ADARB2: variants seen among roughly 807,000 people sequenced by gnomAD.
ADARB2 encodes inactive double-stranded RNA-specific editase B2.
In ADARB2, 25 loss-of-function variants were observed where a neutral mutation model predicts 62.2. The ratio of observed to expected loss-of-function variants is 0.40; its 90% CI spans 0.29 to 0.56. The LOEUF (loss-of-function observed/expected upper bound fraction) is 0.56, where lower values mean the gene tolerates loss of function less well. Among genes scored for constraint, ADARB2 ranks in the 20% least tolerant of loss-of-function variants. The pLI, the probability that ADARB2 is intolerant of heterozygous loss-of-function variation, is 0.43. For synonymous variants in ADARB2, 572 were observed against 500.8 expected (o/e 1.14, Z -1.90); for missense variants, 1,071 against 1,077.4 (o/e 0.99, Z 0.08).
intron 6 of ADARB2, among the ~76,000 whole-genome samples, chr10:1,224,943 A>G (rs1413209703): frequency 6.6e-6 from 1 of 152,200 alleles, no homozygotes; most frequent in Admixed American, 6.5e-5. Context: ...CACTTGGTGC[A>G]GAGCTGAGTT....
intron 6 of ADARB2, among the ~76,000 whole-genome samples, chr10:1,233,485 A>G (rs2131770242): frequency 6.6e-6 from 1 of 152,304 alleles, no homozygotes; most frequent in Non-Finnish European, 1.5e-5. Flanking sequence ...TTTAGGCCTC[A>G]GACTACTCTT....
intron 2 of ADARB2, among the ~76,000 whole-genome samples, chr10:1,364,905 C>T (rs1246794490): frequency 6.7e-6 from 1 of 148,194 alleles, no homozygotes; most frequent in Non-Finnish European, 1.5e-5. Flanking sequence ...CGGAATCTCA[C>T]TCTGTTGCCC....
chr10:1,411,769 C>T (rs143036225), intron 1 of ADARB2, among the ~76,000 whole-genome samples: 113 of 152,288 alleles, frequency 7.4e-4, no homozygotes, highest in Middle Eastern at 3.4e-3. Context: ...TTACGAAGGT[C>T]GTAGACGCAA....
intron 1 of ADARB2, among the ~76,000 whole-genome samples, chr10:1,575,621 T>C (rs1833000327): frequency 6.6e-6 from 1 of 152,162 alleles, no homozygotes; most frequent in South Asian, 2.1e-4. Context: ...CCACCCTCTC[T>C]CTCCCTCAGT....
chr10:1,245,111 T>G (rs1031678639), intron 4 of ADARB2, among the ~76,000 whole-genome samples: 1 of 151,888 alleles, frequency 6.6e-6, no homozygotes, highest in Non-Finnish European at 1.5e-5. Flanking sequence ...GGACACTGGG[T>G]GGGAGGCTGG....
At chr10:1,210,100 T>G (rs1315671472) in intron 7 of ADARB2, among the ~76,000 whole-genome samples, 1 of 152,222 alleles carries the variant, frequency 6.6e-6, no homozygotes, top group Non-Finnish European at 1.5e-5. Flanking sequence ...TGTGCATTAC[T>G]TTTGATCTGT....
intron 1 of ADARB2, among the ~76,000 whole-genome samples, chr10:1,522,394 G>T (rs1488162641): frequency 1.3e-5 from 2 of 152,192 alleles, no homozygotes; most frequent in African/African-American, 4.8e-5. Context: ...TCGCTGTGGG[G>T]TGTCTGATGC....
intron 1 of ADARB2, among the ~76,000 whole-genome samples, chr10:1,469,628 T>C (rs1418347871): frequency 6.6e-6 from 1 of 152,208 alleles, no homozygotes; most frequent in African/African-American, 2.4e-5. Context: ...TTGTCGTAAT[T>C]GATGACTGGT....
At chr10:1,465,505 G>T (rs932884483) in intron 1 of ADARB2, among the ~76,000 whole-genome samples, 1 of 152,164 alleles carries the variant, frequency 6.6e-6, no homozygotes, top group Non-Finnish European at 1.5e-5. Flanking sequence ...CTTGGGGACC[G>T]TGACGACCGC....
intron 3 of ADARB2, among the ~76,000 whole-genome samples, chr10:1,336,208 A>C (rs1831973976): frequency 1.3e-5 from 2 of 152,210 alleles, no homozygotes; most frequent in Admixed American, 1.3e-4. Context: ...AACGCATTTA[A>C]GATGTTACCC....
intron 4 of ADARB2, among the ~76,000 whole-genome samples, chr10:1,248,737 A>G (rs1206564271): frequency 1.3e-5 from 2 of 152,218 alleles, no homozygotes; most frequent in South Asian, 2.1e-4. Flanking sequence ...ATAAATGGCT[A>G]TTGAGAGTAA....
At chr10:1,199,833 C>A in intron 8 of ADARB2, 133 bp downstream of exon 8, 6 of 954,302 alleles carry the variant, frequency 6.3e-6, no homozygotes, top group Non-Finnish European at 7.5e-6. Flanking sequence ...AATCGTAGGA[C>A]TTTGCCCATT....
chr10:1,458,955 G>T (rs1380249643), intron 1 of ADARB2, among the ~76,000 whole-genome samples: 1 of 152,150 alleles, frequency 6.6e-6, no homozygotes, highest in East Asian at 1.9e-4. Flanking sequence ...CAACATCACT[G>T]ATCATTAGAG....
At chr10:1,241,453 G>A (rs567418439) in intron 5 of ADARB2, among the ~76,000 whole-genome samples, 1 of 152,328 alleles carries the variant, frequency 6.6e-6, no homozygotes, top group Non-Finnish European at 1.5e-5. Flanking sequence ...ATGTGAAAGA[G>A]TAGACAGCAG....
At chr10:1,701,746 CGGG>C (rs1834822709) in intron 1 of ADARB2, among the ~76,000 whole-genome samples, 1 of 36,270 alleles carries the variant, frequency 2.8e-5, no homozygotes, top group Non-Finnish European at 5.7e-5. Context: ...CCCACTCCAC[CGGG>C]AGACCAGGCG....
At chr10:1,661,830 G>A (rs561922284) in intron 1 of ADARB2, among the ~76,000 whole-genome samples, 9 of 152,280 alleles carry the variant, frequency 5.9e-5, no homozygotes, top group East Asian at 3.9e-4. Context: ...GCAAAGGGAC[G>A]GGGAGAATCA....
chr10:1,617,318 G>A (rs75831470), intron 1 of ADARB2, among the ~76,000 whole-genome samples: 12 of 92,598 alleles, frequency 1.3e-4, no homozygotes, highest in Admixed American at 3.6e-4. Flanking sequence ...ACTCCACACC[G>A]CCCTGCTGAG....
intron 1 of ADARB2, among the ~76,000 whole-genome samples, chr10:1,581,877 G>T (rs1025090299): frequency 6.7e-6 from 1 of 150,096 alleles, no homozygotes; most frequent in African/African-American, 2.5e-5. Context: ...TGTGCAGAGA[G>T]GCCAAGATCT....
At position 1,181,379 on chromosome 10, in the gene ADARB2, T is replaced by G. The variant is rs1439031657; in HGVS notation, c.*1814A>C. On this transcript the variant is annotated 3_prime_UTR_variant, in exon 10 of 10. Coordinates refer to ENST00000381312, the MANE Select transcript of ADARB2 (RefSeq NM_018702.4). ...ATTAAGATTTCATTTATTTTTGTGA[T>G]TTTTATAAAAGATTAATGTGAGTCC... The G allele has an allele frequency of 6.6e-6, 1 of 152,252 alleles. No homozygotes were observed. The highest frequency in any genetic ancestry group is 1.5e-5 in the Non-Finnish European group (1 of 68,046). 9.4% of individuals were successfully genotyped at this position (152,252 alleles called of 1,614,324 possible).
Sources: gnomAD v4.1 joint callset for allele counts (sites outside exome capture counted in the v4.1 genomes callset) on GRCh38, gnomAD v4.1.1 for gene constraint, MANE v1.5 for transcripts, NCBI Gene and HGNC (gene_info 2026-07-23, HGNC 2026-07-21) for gene names.